The following RARRES1 variants were observed in gnomAD, a reference collection of about 807,000 sequenced individuals.
The protein encoded by RARRES1 is retinoic acid receptor responder protein 1.
A neutral mutation model predicts 30.6 loss-of-function variants in RARRES1; 34 were observed. That is an observed-to-expected ratio of 1.11 (90% CI 0.84 to 1.48). The LOEUF is 1.48. Ranked by LOEUF, RARRES1 falls within the 40% of genes most tolerant of loss-of-function variation. The probability of loss-of-function intolerance (pLI) is 0.00; values close to 1 mark genes in which losing one functional copy is unlikely to be tolerated. For missense variants in RARRES1, 373 were observed against 386.5 expected (o/e 0.97, Z 0.29); for synonymous variants, 153 against 155.5 (o/e 0.98, Z 0.12).
At chr3:158,725,631 A>G (rs1391884683) in intron 1 of RARRES1, among the ~76,000 whole-genome samples, 1 of 152,218 alleles carries the variant, frequency 6.6e-6, no homozygotes, top group Non-Finnish European at 1.5e-5. Flanking sequence ...GGCTGGTAAA[A>G]AAAAAATTGT....
At position 158,697,669 on chromosome 3, in the gene RARRES1, T is replaced by G. The variant is rs941084060; in HGVS notation, c.*9A>C. ...TGTTTAGAAGTCGGAAAAAGATCAT[T>G]TTTTCTTTTTAGAAATTACTAAGCT... On this transcript the variant is annotated 3_prime_UTR_variant, in exon 6 of 6. Coordinates refer to ENST00000237696, the MANE Select transcript of RARRES1 (RefSeq NM_206963.2). 1 of 1,601,516 alleles carries G rather than the reference T, an allele frequency of 6.2e-7. No homozygotes were observed. Among genetic ancestry groups the G allele is most frequent in the Non-Finnish European group, 8.5e-7 (1 of 1,172,794 alleles).
chr3:158,701,220 A>T (rs1447653954), intron 4 of RARRES1, among the ~76,000 whole-genome samples: 2 of 151,954 alleles, frequency 1.3e-5, no homozygotes, highest in African/African-American at 2.4e-5. Context: ...GGGCTTATCC[A>T]TTTTTTTCCC....
chr3:158,726,341 G>C (rs946000702), intron 1 of RARRES1, among the ~76,000 whole-genome samples: 8 of 152,198 alleles, frequency 5.3e-5, no homozygotes, highest in Admixed American at 4.6e-4. Flanking sequence ...AAGGAATAAA[G>C]GTTTTCATAG....
At chr3:158,705,718 T>C (rs1726899221) in intron 3 of RARRES1, 1 of 152,252 alleles carries the variant, frequency 6.6e-6, no homozygotes, top group African/African-American at 2.4e-5. Flanking sequence ...TCTGCCAGAA[T>C]ATCTTTGTGC....
rs1295974191 is a variant in RARRES1 at position 158,696,979 on chromosome 3, T to C, written c.*699A>G. 2 of 152,242 alleles carry C rather than the reference T, an allele frequency of 1.3e-5. No homozygotes were observed. Among genetic ancestry groups the C allele is most frequent in the African/African-American group, 4.8e-5 (2 of 41,470 alleles). 9.4% of individuals were successfully genotyped at this position (152,242 alleles called of 1,614,324 possible). ...TGATGCATGTTTGCAGACAGCTTTA[T>C]CTGGTGAGACAGACGTTCTATTATT... On this transcript the variant is annotated 3_prime_UTR_variant, in exon 6 of 6. Transcript: ENST00000237696.
At chr3:158,713,261 CTCT>C (rs1355549124) in intron 2 of RARRES1, among the ~76,000 whole-genome samples, 4 of 152,138 alleles carry the variant, frequency 2.6e-5, no homozygotes, top group African/African-American at 9.7e-5. Flanking sequence ...TCTCTTTACT[CTCT>C]TCTTGAAAAC....
chr3:158,720,266 A>G (rs189516743), intron 1 of RARRES1, among the ~76,000 whole-genome samples: 2,054 of 124,134 alleles, frequency 0.017, 5 homozygotes, highest in African/African-American at 0.033. Flanking sequence ...GTGTGTGTGT[A>G]TGTGTGTGAG....
Position 158,732,257 on chromosome 3 carries a change from C to T in RARRES1, c.159G>A (p.Gly53=), listed in dbSNP as rs1727929794. 6 of 1,373,472 alleles carry T rather than the reference C, an allele frequency of 4.4e-6. No homozygotes were observed. Among genetic ancestry groups the T allele is most frequent in the Non-Finnish European group, 5.6e-6 (6 of 1,073,664 alleles). 85.1% of individuals were successfully genotyped at this position (1,373,472 alleles called of 1,614,324 possible). A position where few individuals can be genotyped will look rare whatever the true frequency, so the allele number is the denominator to read the frequency against. The part of the protein sequence containing the change: ...PDDPGQPQDA[G]VPRRLLQQAA... ...CCTGCTGCAGGAGCCTGCGCGGGAC[C>T]CCAGCATCCTGAGGCTGCCCAGGGT... The change falls in exon 1 of 6, where the codon GGG becomes GGA. Residue 53 remains glycine, a synonymous_variant. Transcript: ENST00000237696.
chr3:158,716,670 G>A (rs1027659326), intron 1 of RARRES1, among the ~76,000 whole-genome samples: 15 of 150,966 alleles, frequency 9.9e-5, no homozygotes, highest in South Asian at 2.1e-4. Context: ...TGCAACCTCC[G>A]CCTCCTGGGT....
At chr3:158,716,468 C>G (rs1727325262) in intron 1 of RARRES1, among the ~76,000 whole-genome samples, 1 of 152,182 alleles carries the variant, frequency 6.6e-6, no homozygotes, top group Non-Finnish European at 1.5e-5. Context: ...TTTGACGCAA[C>G]AGTGCTCTGG....
In RARRES1 at chr3:158,732,304, C is replaced by G. The variant is rs2108161228; in HGVS notation, c.112G>C (p.Ala38Pro). The G allele has an allele frequency of 1.5e-5, 20 of 1,343,876 alleles. No individual in the cohort carries two copies. The South Asian group carries it at 3.9e-4, about 26-fold the overall frequency. 83.2% of individuals were successfully genotyped at this position (1,343,876 alleles called of 1,614,324 possible). A position where few individuals can be genotyped will look rare whatever the true frequency, so the allele number is the denominator to read the frequency against. ...GGGTCGTCGGGGTCCCCGGACCCCG[C>G]GGGCGCCGCCACCGGGGCGAGCAAC... ...LLLLAPVAAP[A>P]GSGDPDDPGQ... The change falls in exon 1 of 6, where the codon GCG becomes CCG. Residue 38 changes from alanine to proline, a missense_variant. By Grantham distance (27) the Ala-to-Pro change is conservative. Transcript: ENST00000237696.
chr3:158,714,096 T>TA (rs1384011711), intron 1 of RARRES1, among the ~76,000 whole-genome samples: 2 of 152,070 alleles, frequency 1.3e-5, no homozygotes, highest in African/African-American at 4.8e-5. Flanking sequence ...AATGGTTGCG[T>TA]TCTGACTGGA....
At chr3:158,710,984 A>G in intron 2 of RARRES1, 51 bp from the exon 3 acceptor site, 2 of 1,478,732 alleles carry the variant, frequency 1.4e-6, no homozygotes, top group Non-Finnish European at 1.9e-6. Flanking sequence ...CCCAGTGCAC[A>G]CAAGCACACA....
At chr3:158,728,739 G>A (rs987540146) in intron 1 of RARRES1, among the ~76,000 whole-genome samples, 1 of 151,978 alleles carries the variant, frequency 6.6e-6, no homozygotes, top group African/African-American at 2.4e-5. Context: ...GGCCAGGCTG[G>A]TCTTGAACTC....
intron 2 of RARRES1, among the ~76,000 whole-genome samples, chr3:158,713,151 G>A (rs909991784): frequency 6.6e-6 from 1 of 152,134 alleles, no homozygotes; most frequent in Non-Finnish European, 1.5e-5. Flanking sequence ...AAGACAAAGA[G>A]CATTTGAGCT....
intron 4 of RARRES1, among the ~76,000 whole-genome samples, chr3:158,699,656 G>A (rs948358475): frequency 1.3e-5 from 2 of 152,116 alleles, no homozygotes; most frequent in African/African-American, 4.8e-5. Flanking sequence ...AGAGGGCCTG[G>A]ATAAATCAGA....
Position 158,710,738 on chromosome 3 carries a change from C to G in RARRES1, c.535G>C (p.Asp179His). The G allele has an allele frequency of 6.3e-7, 1 of 1,594,066 alleles. No individual in the cohort carries two copies. ...AGAAATTCCAAATGCTGATTCATAC[C>G]AGGTATGCTGACTATTTCCAAGGGG... ...KNPLEIVSIP[D>H]NHGHIDPSLR... is the part of the protein sequence containing the mutation. Residue 179 changes from aspartate to histidine, a missense_variant and splice_region_variant, in exon 3 of 6, where the codon GAT (aspartate) becomes CAT (histidine). Transcript: ENST00000237696.
chr3:158,715,978 C>T lies in RARRES1; in HGVS notation c.277-2119G>A, dbSNP rs1321394982. Among the ~76,000 whole-genome samples, 3 of 152,198 alleles carry T rather than the reference C, an allele frequency of 2.0e-5. No individual in the cohort carries two copies. The East Asian group carries it at 5.8e-4, about 29-fold the overall frequency. On this transcript the variant is annotated intron_variant, in intron 1 of 5. Transcript: ENST00000237696. ...CTCAGAAGGCGACACTTCAGCTTGC[C>T]AGTGGGTTCTAAGCCTTGAATGGGT...
chr3:158,701,091 GAT>G (rs1288329902), intron 4 of RARRES1, among the ~76,000 whole-genome samples: 1 of 152,220 alleles, frequency 6.6e-6, no homozygotes, highest in Non-Finnish European at 1.5e-5. Flanking sequence ...TGAGCTGACT[GAT>G]AGTGATGTGC....
Sources: allele counts gnomAD v4.1 joint callset (sites outside exome capture counted in the v4.1 genomes callset), GRCh38; gene constraint gnomAD v4.1.1; transcripts MANE v1.5; gene names NCBI Gene and HGNC (gene_info 2026-07-23, HGNC 2026-07-21).